Variants in SERINC2 observed in about 807,000 individuals in gnomAD.
SERINC2 encodes the protein serine incorporator 2.
A neutral mutation model predicts 54.2 loss-of-function variants in SERINC2; 56 were observed. That is an observed-to-expected ratio of 1.03 (90% CI 0.83 to 1.29). The LOEUF (loss-of-function observed/expected upper bound fraction) is 1.29. Among genes scored for constraint, SERINC2 ranks in the 50% most tolerant of loss-of-function variants. The probability of loss-of-function intolerance (pLI) is 0.00; values close to 1 mark genes in which losing one functional copy is unlikely to be tolerated. For missense variants in SERINC2, 614 were observed against 607.4 expected (o/e 1.01, Z -0.12); for synonymous variants, 272 against 253.1 (o/e 1.07, Z -0.71).
At chr1:31,424,967 A>C in intron 3 of SERINC2, 94 bp downstream of exon 3, 4 of 1,002,300 alleles carry the variant, frequency 4.0e-6, no homozygotes, top group African/African-American at 3.2e-5. Context: ...CCTACCCACC[A>C]CTCAGGAGCC....
At chr1:31,413,193 A>C (rs1553131678), upstream of SERINC2, 3 of 1,028,318 alleles carry the variant, frequency 2.9e-6, no homozygotes, top group East Asian at 7.6e-5. The surrounding 1 kb of genome is among the most constrained non-coding windows in gnomAD (Gnocchi z 5.0). Context: ...GGGAGGGGCC[A>C]GGCCCGGCAC....
chr1:31,433,878 G>A (rs539855032), intron 9 of SERINC2, among the ~76,000 whole-genome samples, 186 bp from the exon 10 acceptor site: 2 of 152,296 alleles, frequency 1.3e-5, no homozygotes, highest in South Asian at 4.1e-4. Flanking sequence ...CTCAAGATGG[G>A]AATCGAGGTC....
intron 1 of SERINC2, 109 bp from the exon 2 acceptor site, chr1:31,423,584 T>G (rs1383877800): frequency 8.6e-7 from 1 of 1,157,462 alleles, no homozygotes; most frequent in Non-Finnish European, 1.2e-6. Context: ...TGGGGAACAG[T>G]GTGCTCCTGC....
upstream of SERINC2, chr1:31,409,808 G>T: frequency 6.4e-7 from 1 of 1,553,062 alleles, no homozygotes; most frequent in Non-Finnish European, 8.7e-7. Context: ...GGGATAGGAG[G>T]GCTCAAAGCC....
chr1:31,410,474 GC>G (rs1640629983), upstream of SERINC2: 1 of 1,549,072 alleles, frequency 6.5e-7, no homozygotes, highest in South Asian at 1.2e-5. Flanking sequence ...TGAGAGCCCA[GC>G]CGGCCTTGGT....
rs1341694584 is a variant in SERINC2, at chr1:31,413,827, CCTGT to C, written c.39+528_39+531del. 7.8e-6 allele frequency: 11 copies of C among 1,404,108 alleles called. No individual in the cohort carries two copies. The African/African-American group carries it at 1.6e-4, about 21-fold the overall frequency. 87.0% of individuals were successfully genotyped at this position (1,404,108 alleles called of 1,614,324 possible). A position where few individuals can be genotyped will look rare whatever the true frequency, so the allele number is the denominator to read the frequency against. On this transcript the variant is annotated intron_variant, in intron 1 of 9. Coordinates refer to ENST00000373709, the MANE Select transcript of SERINC2 (RefSeq NM_178865.5). This position sits in a 1 kb window ranked among gnomAD's most constrained non-coding sequence, Gnocchi z 5.0. The stretch of plus-strand genomic sequence containing the variant: ...CCTGTCCGTTCGTATTTGTCTGGTT[CCTGT>C]CTGTGTCCGTCGTTCGTCCGACTGT...
At chr1:31,432,017 TGGACAG>T (rs1641260139) in intron 8 of SERINC2, among the ~76,000 whole-genome samples, 6 of 123,656 alleles carry the variant, frequency 4.9e-5, no homozygotes, top group South Asian at 2.9e-4. Context: ...GTGGATAGGG[TGGACAG>T]GGTGGACAGG....
intron 1 of SERINC2, among the ~76,000 whole-genome samples, chr1:31,418,593 T>C (rs1553132475): frequency 1.3e-5 from 2 of 152,176 alleles, no homozygotes; most frequent in African/African-American, 4.8e-5. Context: ...CAGGATGGTC[T>C]CAAACTCCTG....
In SERINC2 at chr1:31,429,851, C is replaced by G. The variant is rs782311310; in HGVS notation, c.1013+313C>G. Among the ~76,000 whole-genome samples the G allele has an allele frequency of 2.9e-4, 44 of 152,104 alleles. 1 individual carries two copies. Among genetic ancestry groups the G allele is most frequent in the Admixed American group, 1.1e-3 (17 of 15,280 alleles). On this transcript the variant is annotated intron_variant, in intron 8 of 9. Coordinates refer to ENST00000373709, the MANE Select transcript of SERINC2 (RefSeq NM_178865.5). Reference sequence around the variant, plus strand: ...GGGTCAGTGGGTCCAGGGTCTGTTTCTCCCCTGCTGTGCGGCTTGGGGTAA... The same window carrying G: ...GGGTCAGTGGGTCCAGGGTCTGTTTGTCCCCTGCTGTGCGGCTTGGGGTAA...
chr1:31,429,375 G>A, intron 7 of SERINC2, 22 bp from the exon 8 acceptor site: 2 of 1,600,672 alleles, frequency 1.2e-6, no homozygotes, highest in South Asian at 2.3e-5. Flanking sequence ...TGGGCTGAGG[G>A]TGATTGTGCT....
At chr1:31,417,620 A>G (rs368388356) in intron 1 of SERINC2, among the ~76,000 whole-genome samples, 2 of 152,182 alleles carry the variant, frequency 1.3e-5, no homozygotes, top group Non-Finnish European at 2.9e-5. Flanking sequence ...TTATGCAACC[A>G]TCACCACCAT....
intron 5 of SERINC2, 75 bp downstream of exon 5, chr1:31,425,988 T>C: frequency 2.0e-6 from 3 of 1,495,494 alleles, no homozygotes; most frequent in South Asian, 2.4e-5. Context: ...AAATCGAGGG[T>C]CCTTGAAGCT....
intron 1 of SERINC2, chr1:31,414,421 TTGTGTGTGTG>T (rs1553131929): frequency 2.3e-5 from 6 of 261,472 alleles, no homozygotes; most frequent in African/African-American, 6.3e-5. Flanking sequence ...CCCTGACGGG[TTGTGTGTGTG>T]TGTGTGTGTG....
intron 1 of SERINC2, chr1:31,414,782 G>A (rs1640744772): frequency 1.0e-6 from 1 of 985,376 alleles, no homozygotes; most frequent in Non-Finnish European, 1.2e-6. Flanking sequence ...CACCTGGTGA[G>A]GCACAGGCCC....
Position 31,432,093 on chromosome 1 carries a change from CAGGGTGGACAGGGTGGATAGGGTGGTT to C in SERINC2, c.1014-865_1014-839del, listed in dbSNP as rs1557501152. 3.1e-3 allele frequency among the ~76,000 whole-genome samples: 51 copies of C among 16,540 alleles called. 2 individuals carry two copies. Among genetic ancestry groups the C allele is most frequent in the South Asian group, 0.015 (6 of 402 alleles). The allele number at this position is 16,540 out of a possible 152,430, so 10.9% of individuals were successfully genotyped here. On this transcript the variant is annotated intron_variant, in intron 8 of 9. Coordinates refer to ENST00000373709, the MANE Select transcript of SERINC2 (RefSeq NM_178865.5). ...GGGTGGACAGGGTGGTTAGGGTGGA[CAGGGTGGACAGGGTGGATAGGGTGGTT>C]AGGGTGGATAGGGTGGACAGGGTGG...
At chr1:31,416,572 C>T (rs78551231) in intron 1 of SERINC2, among the ~76,000 whole-genome samples, 2,361 of 152,308 alleles carry the variant, frequency 0.016, 71 homozygotes, top group African/African-American at 0.053. Flanking sequence ...CAGCCAGTTA[C>T]GGAGTTGTTC....
In SERINC2 at chr1:31,425,646, A is replaced by G. The variant is rs372788665; in HGVS notation, c.473-130A>G. 32 of 1,191,644 alleles carry G rather than the reference A, an allele frequency of 2.7e-5. No homozygotes were observed. The African/African-American group carries it at 3.6e-4, about 13-fold the overall frequency. The allele number at this position is 1,191,644 out of a possible 1,614,324, so 73.8% of individuals were successfully genotyped here. On this transcript the variant is annotated intron_variant, in intron 4 of 9. Coordinates refer to ENST00000373709, the MANE Select transcript of SERINC2 (RefSeq NM_178865.5). Reference sequence around the variant, plus strand: ...CATATCCTGCCCTCTGTGCGTAGCTAGGGGCTCCCTGAGGGCAGGGACTCT... The same window carrying G: ...CATATCCTGCCCTCTGTGCGTAGCTGGGGGCTCCCTGAGGGCAGGGACTCT...
At chr1:31,431,796 T>TAGGGTGGATAGGGTGGAC (rs1557499813) in intron 8 of SERINC2, among the ~76,000 whole-genome samples, 7 of 10,952 alleles carry the variant, frequency 6.4e-4, no homozygotes, top group Non-Finnish European at 1.6e-3. Flanking sequence ...ATAGGGTGGA[T>TAGGGTGGATAGGGTGGAC]AGGGTGGACA....
chr1:31,431,462 G>A (rs1026509497), intron 8 of SERINC2, among the ~76,000 whole-genome samples: 9 of 152,198 alleles, frequency 5.9e-5, no homozygotes, highest in Non-Finnish European at 8.8e-5. Context: ...ACTGACAGCC[G>A]GGGAGGAGGC....
Sources: gnomAD v4.1 joint callset for allele counts (sites outside exome capture counted in the v4.1 genomes callset) on GRCh38, gnomAD v4.1.1 for gene constraint, Gnocchi (gnomAD v3.1) non-coding constraint, MANE v1.5 for transcripts, NCBI Gene and HGNC (gene_info 2026-07-23, HGNC 2026-07-21) for gene names.